RNF130: variants seen among roughly 807,000 people sequenced by gnomAD.
RNF130 encodes ring finger protein 130.
A neutral mutation model predicts 44.6 loss-of-function variants in RNF130; 21 were observed. The ratio of observed to expected loss-of-function variants is 0.47; its 90% CI spans 0.33 to 0.68. The LOEUF (loss-of-function observed/expected upper bound fraction) is 0.68, where lower values mean the gene tolerates loss of function less well. Among genes scored for constraint, RNF130 ranks in the 30% least tolerant of loss-of-function variants. The pLI, the probability that RNF130 is intolerant of heterozygous loss-of-function variation, is 0.02. For synonymous variants in RNF130, 214 were observed against 210.4 expected (o/e 1.02, Z -0.15); for missense variants, 479 against 560.6 (o/e 0.85, Z 1.47).
intron 1 of RNF130, among the ~76,000 whole-genome samples, chr5:180,065,625 TG>T (rs1765086722): frequency 1.3e-5 from 2 of 152,102 alleles, no homozygotes; most frequent in South Asian, 2.1e-4. Flanking sequence ...CTGGGTGTGG[TG>T]GTGGGCACCT....
At chr5:180,070,480 C>A (rs924663564) in intron 1 of RNF130, among the ~76,000 whole-genome samples, 2 of 152,282 alleles carry the variant, frequency 1.3e-5, no homozygotes, top group African/African-American at 2.4e-5. Flanking sequence ...ATGTTAGTAT[C>A]TTAAGAGTGT....
intron 1 of RNF130, 113 bp from the exon 2 acceptor site, chr5:180,040,760 C>T (rs776071209): frequency 1.4e-4 from 127 of 917,414 alleles, no homozygotes; most frequent in Non-Finnish European, 1.8e-4. Flanking sequence ...TGAAGCAGCT[C>T]GCTGCCAGCA....
intron 1 of RNF130, among the ~76,000 whole-genome samples, chr5:180,061,897 G>A (rs879548508): frequency 6.6e-5 from 10 of 152,126 alleles, no homozygotes; most frequent in Non-Finnish European, 1.2e-4. Flanking sequence ...TTTATAAACA[G>A]CACAAATTTG....
intron 3 of RNF130, among the ~76,000 whole-genome samples, chr5:179,982,766 T>A (rs1192237412): frequency 6.6e-6 from 1 of 152,168 alleles, no homozygotes; most frequent in Non-Finnish European, 1.5e-5. Context: ...TTTATTTTTG[T>A]AGAGACGAGG....
At chr5:179,939,273 G>A (rs1366780402) in intron 7 of RNF130, among the ~76,000 whole-genome samples, 2 of 116,978 alleles carry the variant, frequency 1.7e-5, no homozygotes, top group African/African-American at 6.4e-5. Flanking sequence ...CAACTTTTAA[G>A]ACAGAAAAAA....
At chr5:180,055,069 G>C (rs1339059010) in intron 1 of RNF130, among the ~76,000 whole-genome samples, 1 of 151,854 alleles carries the variant, frequency 6.6e-6, no homozygotes, top group Non-Finnish European at 1.5e-5. Flanking sequence ...TTGGCCAGGA[G>C]TGGTGGCTCA....
rs534085688 is a variant in RNF130 at position 179,977,981 on chromosome 5, T to A, written c.848+222A>T. On this transcript the variant is annotated intron_variant, in intron 5 of 8. Transcript: ENST00000521389. The surrounding 1 kb of genome is among the most constrained non-coding windows in gnomAD (Gnocchi z 4.1). ...GGGAGTCTGGAGGCCGCGTGCCACA[T>A]CGCATATTGGCTACACCTCGGAAGG... Among the ~76,000 whole-genome samples, 2 of 152,366 alleles carry A rather than the reference T, an allele frequency of 1.3e-5. No individual in the cohort carries two copies. Among genetic ancestry groups the A allele is most frequent in the African/African-American group, 4.8e-5 (2 of 41,580 alleles).
chr5:180,059,728 A>G (rs1213767641), intron 1 of RNF130, among the ~76,000 whole-genome samples: 1 of 152,228 alleles, frequency 6.6e-6, no homozygotes, highest in African/African-American at 2.4e-5. Flanking sequence ...TAAGCCTTAG[A>G]AAAATTTCAC....
intron 1 of RNF130, among the ~76,000 whole-genome samples, chr5:180,056,047 G>A (rs895271045): frequency 1.3e-5 from 2 of 151,906 alleles, no homozygotes; most frequent in Non-Finnish European, 2.9e-5. Flanking sequence ...TGGTGTCACC[G>A]TACTCTGGCC....
intron 1 of RNF130, among the ~76,000 whole-genome samples, chr5:180,069,779 T>C (rs1431244308): frequency 1.3e-5 from 2 of 152,332 alleles, no homozygotes; most frequent in Admixed American, 6.5e-5. Flanking sequence ...AATCCTACAA[T>C]GCTGCCTCCC....
intron 6 of RNF130, among the ~76,000 whole-genome samples, chr5:179,968,017 T>C (rs757320548): frequency 6.6e-5 from 10 of 152,328 alleles, no homozygotes; most frequent in Admixed American, 2.0e-4. Context: ...ACAAACAGGC[T>C]GGGCGCGGTG....
chr5:180,055,832 C>T (rs1307437755), intron 1 of RNF130, among the ~76,000 whole-genome samples: 2 of 152,128 alleles, frequency 1.3e-5, no homozygotes, highest in South Asian at 2.1e-4. Context: ...GGCTGTAATC[C>T]TCTCACTTTG....
At chr5:180,044,277 A>G (rs1206632348) in intron 1 of RNF130, among the ~76,000 whole-genome samples, 1 of 152,222 alleles carries the variant, frequency 6.6e-6, no homozygotes. Context: ...TAGAGCCAGG[A>G]AAAACTTACT....
At chr5:180,040,697 G>C in intron 1 of RNF130, 50 bp from the exon 2 acceptor site, 1 of 1,527,532 alleles carries the variant, frequency 6.5e-7, no homozygotes, top group East Asian at 2.3e-5. Flanking sequence ...AACTGACCAA[G>C]TCTTTATCAA....
At chr5:180,046,916 T>C (rs929748349) in intron 1 of RNF130, among the ~76,000 whole-genome samples, 3 of 152,190 alleles carry the variant, frequency 2.0e-5, no homozygotes, top group African/African-American at 7.2e-5. Context: ...GTCTGGCACA[T>C]AGATGTTTAA....
At chr5:179,944,764 A>C (rs1319148512) in intron 7 of RNF130, among the ~76,000 whole-genome samples, 1 of 152,118 alleles carries the variant, frequency 6.6e-6, no homozygotes, top group East Asian at 1.9e-4. Context: ...CTCAAAAAAA[A>C]AAAAAGTTCA....
intron 3 of RNF130, among the ~76,000 whole-genome samples, chr5:179,995,050 G>A (rs1229476300): frequency 6.6e-6 from 1 of 152,170 alleles, no homozygotes; most frequent in Non-Finnish European, 1.5e-5. Flanking sequence ...GCAGGCAGAA[G>A]CACTGGCTCT....
At chr5:179,922,723 C>T (rs1761652816) in intron 7 of RNF130, among the ~76,000 whole-genome samples, 1 of 151,732 alleles carries the variant, frequency 6.6e-6, no homozygotes, top group African/African-American at 2.4e-5. Flanking sequence ...GGCTTCAGCT[C>T]AGGAGTTCAA....
downstream of RNF130, among the ~76,000 whole-genome samples, chr5:179,953,024 A>G (rs1762149955): frequency 6.6e-6 from 1 of 152,238 alleles, no homozygotes; most frequent in South Asian, 2.1e-4. Flanking sequence ...AAAATAAATA[A>G]GCATCCAGAT....
Sources: allele counts gnomAD v4.1 joint callset (sites outside exome capture counted in the v4.1 genomes callset), GRCh38; gene constraint gnomAD v4.1.1; non-coding constraint Gnocchi (gnomAD v3.1); transcripts MANE v1.5; gene names NCBI Gene and HGNC (gene_info 2026-07-23, HGNC 2026-07-21).